The following TEX26 variants were observed in gnomAD, a reference collection of about 807,000 sequenced individuals.
TEX26 encodes the protein testis expressed 26, also known as testis-expressed protein 26.
In TEX26, 34 loss-of-function variants were observed where a neutral mutation model predicts 35.3. That is an observed-to-expected ratio of 0.96 (90% CI 0.73 to 1.28). The LOEUF is 1.28. Among genes scored for constraint, TEX26 ranks in the 50% most tolerant of loss-of-function variants. TEX26 has a pLI of 0.00. For synonymous variants in TEX26, 136 were observed against 111.8 expected, an observed-to-expected ratio of 1.22 and a Z score of -1.36; for missense variants, 371 against 330.1, an observed-to-expected ratio of 1.12 and a Z score of -0.96.
chr13:30,952,874 A>T (rs1953984035), intron 3 of TEX26, 49 bp downstream of exon 3: 2 of 1,482,144 alleles, frequency 1.3e-6, no homozygotes, highest in Non-Finnish European at 1.8e-6. Context: ...TACTGTATCA[A>T]CAACTCATAA....
chr13:30,961,105 A>C (rs1418995050), intron 4 of TEX26, among the ~76,000 whole-genome samples: 2 of 152,208 alleles, frequency 1.3e-5, no homozygotes, highest in South Asian at 2.1e-4. Context: ...TTCTGAGAGC[A>C]GGAGTGGAGA....
intron 4 of TEX26, 60 bp downstream of exon 4, chr13:30,957,089 G>C: frequency 4.5e-6 from 7 of 1,540,240 alleles, no homozygotes; most frequent in South Asian, 2.4e-5. Context: ...GAGTTGCAGT[G>C]GTCGGCAGCA....
At chr13:30,951,551 A>G (rs771036126) in intron 2 of TEX26, among the ~76,000 whole-genome samples, 1 of 152,156 alleles carries the variant, frequency 6.6e-6, no homozygotes. Context: ...TTTTAAACAT[A>G]CACAAAGGAA....
In TEX26 at chr13:30,960,533, C is replaced by A. The variant is rs150454544; in HGVS notation, c.469+3504C>A. 7.2e-5 allele frequency among the ~76,000 whole-genome samples: 11 copies of A among 152,324 alleles called. No homozygotes were observed. In the East Asian group the frequency reaches 2.1e-3, roughly 29 times the overall value. On this transcript the variant is annotated intron_variant, in intron 4 of 6. Coordinates refer to ENST00000380473, the MANE Select transcript of TEX26 (RefSeq NM_152325.3). The stretch of plus-strand genomic sequence containing the variant: ...GTGCTAGGATTACAGATATGAGCCA[C>A]CATGCCTGGCTGAAAACTTCTTTAC...
chr13:30,968,771 C>A, intron 5 of TEX26, 114 bp from the exon 6 acceptor site: 2 of 949,542 alleles, frequency 2.1e-6, no homozygotes, highest in Non-Finnish European at 3.2e-6. Flanking sequence ...AAGGATGCTG[C>A]CTAAGCTCAA....
At chr13:30,957,853 G>A (rs538525462) in intron 4 of TEX26, among the ~76,000 whole-genome samples, 1 of 152,226 alleles carries the variant, frequency 6.6e-6, no homozygotes, top group Admixed American at 6.5e-5. Context: ...ATGAATGATA[G>A]GGATGAGTGA....
In TEX26 at chr13:30,964,848, T is replaced by C. The variant is rs1284037998; in HGVS notation, c.470-1374T>C. On this transcript the variant is annotated intron_variant, in intron 4 of 6. Transcript: ENST00000380473. Reference sequence around the variant, plus strand: ...GTCAGGAACCCACTCTTGCAATAATTAGCCCACTCCCACAATAACAGCATT... The same window carrying C: ...GTCAGGAACCCACTCTTGCAATAATCAGCCCACTCCCACAATAACAGCATT... 2.0e-5 allele frequency among the ~76,000 whole-genome samples: 3 copies of C among 152,244 alleles called. 1 individual carries two copies. The highest frequency in any genetic ancestry group is 7.2e-5 in the African/African-American group (3 of 41,554).
chr13:30,964,471 T>C (rs1308002466), intron 4 of TEX26, among the ~76,000 whole-genome samples: 1 of 152,192 alleles, frequency 6.6e-6, no homozygotes, highest in Non-Finnish European at 1.5e-5. Context: ...CCTTGGCAAA[T>C]AGCACAGAAC....
intron 2 of TEX26, among the ~76,000 whole-genome samples, chr13:30,947,346 A>C (rs190765502): frequency 6.6e-5 from 10 of 152,222 alleles, no homozygotes; most frequent in Admixed American, 6.6e-4. Flanking sequence ...CAATTTATAG[A>C]TTTTAATGTT....
chr13:30,959,942 G>A (rs966406145), intron 4 of TEX26, among the ~76,000 whole-genome samples: 1 of 152,160 alleles, frequency 6.6e-6, no homozygotes, highest in African/African-American at 2.4e-5. Flanking sequence ...AAATTAAAAT[G>A]TCATCTGTCT....
chr13:30,966,328 T>A lies in TEX26; in HGVS notation c.576T>A (p.Ile192=). ...FRRNYQIPAK[I]PELQDFSFKY... is the part of the protein sequence containing the mutation. Reference sequence around the variant, plus strand: ...GGAATTACCAAATTCCAGCTAAAATTCCTGAGCTTCAAGATTTCAGTTTCA... The same window carrying A: ...GGAATTACCAAATTCCAGCTAAAATACCTGAGCTTCAAGATTTCAGTTTCA... Residue 192 remains isoleucine (I), a synonymous_variant, in exon 5 of 7, where the codon ATT becomes ATA. Coordinates refer to ENST00000380473, the MANE Select transcript of TEX26 (RefSeq NM_152325.3). 6.2e-7 allele frequency: 1 copy of A among 1,614,054 alleles called. No individual in the cohort carries two copies. Among genetic ancestry groups the A allele is most frequent in the Non-Finnish European group, 8.5e-7 (1 of 1,180,010 alleles).
At position 30,968,994 on chromosome 13, in the gene TEX26, C is replaced by T; in HGVS notation, c.756C>T (p.Asn252=). The change falls in exon 6 of 7, where the codon AAC becomes AAT. Residue 252 remains asparagine, a synonymous_variant. Coordinates refer to ENST00000380473, the MANE Select transcript of TEX26 (RefSeq NM_152325.3). ...ACCCAGATTTCTTAATGCTTTTAAACTCATTTACTTCCTCTCAAGTCAAAG... is the reference window on the plus strand; with the variant it reads ...ACCCAGATTTCTTAATGCTTTTAAATTCATTTACTTCCTCTCAAGTCAAAG... ...KTYPDFLMLL[N]SFTSSQVKEY... 6.2e-7 allele frequency: 1 copy of T among 1,614,122 alleles called. No homozygotes were observed.
intron 2 of TEX26, among the ~76,000 whole-genome samples, chr13:30,941,697 C>A (rs1953519922): frequency 1.3e-5 from 2 of 152,096 alleles, no homozygotes; most frequent in Non-Finnish European, 2.9e-5. Context: ...ATTCTGTATG[C>A]CTTTGGGTAC....
chr13:30,951,279 C>T (rs1307507106), intron 2 of TEX26, among the ~76,000 whole-genome samples: 1 of 151,670 alleles, frequency 6.6e-6, no homozygotes, highest in African/African-American at 2.4e-5. Flanking sequence ...TAGATTGAGC[C>T]CAGCAATTAG....
Position 30,936,936 on chromosome 13 carries a change from A to G in TEX26, c.62-2758A>G, listed in dbSNP as rs936978277. On this transcript the variant is annotated intron_variant, in intron 1 of 6. Transcript: ENST00000380473. ...CTGTTAATGAAGAAAATTAATTCCA[A>G]TGGCATACTGTACTTTCAGAAGCTT... 5.1e-6 allele frequency: 5 copies of G among 985,340 alleles called. No individual in the cohort carries two copies. The African/African-American group carries it at 5.2e-5, about 10-fold the overall frequency. 61.0% of individuals were successfully genotyped at this position (985,340 alleles called of 1,614,324 possible).
rs112738768 is a variant in TEX26 at position 30,957,447 on chromosome 13, C to G, written c.469+418C>G. Among the ~76,000 whole-genome samples the G allele has an allele frequency of 4.7e-3, 721 of 152,250 alleles. 10 individuals carry two copies. The highest frequency in any genetic ancestry group is 0.016 in the African/African-American group (673 of 41,526). On this transcript the variant is annotated intron_variant, in intron 4 of 6. Transcript: ENST00000380473. ...GAGATCAACGTGGGCAGAGAACACC[C>G]AGTCTGGAAGGGCATTACAGGGCAT...
chr13:30,943,475 G>T lies in TEX26; in HGVS notation c.146+3697G>T, dbSNP rs533818053. 5.3e-5 allele frequency among the ~76,000 whole-genome samples: 8 copies of T among 152,020 alleles called. No homozygotes were observed. The East Asian group carries it at 7.7e-4, about 15-fold the overall frequency. The stretch of plus-strand genomic sequence containing the variant: ...TTTATTTCTTTCTCTTGCTTGATTG[G>T]TCTGGCTAGGACTTCCAGTACTATG... On this transcript the variant is annotated intron_variant, in intron 2 of 6. Transcript: ENST00000380473.
intron 6 of TEX26, among the ~76,000 whole-genome samples, chr13:30,974,333 A>G (rs960816648): frequency 3.9e-5 from 6 of 152,080 alleles, no homozygotes; most frequent in South Asian, 2.1e-4. Context: ...CCTGGCTTCT[A>G]TGAAAATTTT....
chr13:30,958,395 C>T lies in TEX26; in HGVS notation c.469+1366C>T, dbSNP rs77657149. On this transcript the variant is annotated intron_variant, in intron 4 of 6. Coordinates refer to ENST00000380473, the MANE Select transcript of TEX26 (RefSeq NM_152325.3). The stretch of plus-strand genomic sequence containing the variant: ...CCTAAGTTACTGAGAAAGCCACACA[C>T]GCTGGTGCATGGCTCTAAGCCCTGT... 5.2e-3 allele frequency among the ~76,000 whole-genome samples: 793 copies of T among 152,346 alleles called. 7 individuals are homozygous for T. The highest frequency in any genetic ancestry group is 0.016 in the African/African-American group (683 of 41,576).
Sources: gnomAD v4.1 joint callset for allele counts (sites outside exome capture counted in the v4.1 genomes callset) on GRCh38, gnomAD v4.1.1 for gene constraint, MANE v1.5 for transcripts, NCBI Gene and HGNC (gene_info 2026-07-23, HGNC 2026-07-21) for gene names.